Variants in OSBPL10 observed in about 807,000 individuals in gnomAD.
OSBPL10 encodes oxysterol binding protein like 10, also known as oxysterol-binding protein-related protein 10.
OSBPL10 carries 49 observed loss-of-function variants against 81.7 expected under a neutral mutation model. The observed-to-expected ratio is 0.60, with a 90% CI of 0.48 to 0.76. OSBPL10 has a LOEUF of 0.76. Ranked by LOEUF, OSBPL10 falls within the 30% of genes least tolerant of loss-of-function variation. OSBPL10 has a pLI of 0.00. For synonymous variants in OSBPL10, 419 were observed against 383.6 expected (o/e 1.09, Z -1.08); for missense variants, 923 against 987.8 (o/e 0.93, Z 0.88).
chr3:32,043,149 G>C (rs537915801), intron 2 of OSBPL10, among the ~76,000 whole-genome samples: 19 of 152,144 alleles, frequency 1.2e-4, no homozygotes, highest in Non-Finnish European at 2.2e-4. Context: ...CAGAGCAGCT[G>C]TTTATAGACC....
Position 32,051,743 on chromosome 3 carries a change from CA to C in OSBPL10, n.186-5141del, listed in dbSNP as rs1168847425. Among the ~76,000 whole-genome samples, 4 of 152,036 alleles carry C rather than the reference CA, an allele frequency of 2.6e-5. No individual in the cohort carries two copies. In the East Asian group the frequency reaches 7.7e-4, roughly 29 times the overall value. On this transcript the variant is annotated intron_variant and non_coding_transcript_variant, in intron 1 of 3. Transcript: ENST00000479173. ...TCCAACTAAGAAACTAAAAAACTGG[CA>C]AATGAAAAATCCTACAACTACTAGA...
chr3:31,749,919 G>A (rs1697659537), intron 4 of OSBPL10, among the ~76,000 whole-genome samples: 1 of 151,386 alleles, frequency 6.6e-6, no homozygotes, highest in African/African-American at 2.4e-5. Context: ...GGTGGCTCAC[G>A]CCTGTAATCC....
In OSBPL10 at chr3:31,929,172, TC is replaced by T. The variant is rs143893367; in HGVS notation, c.282-49343del. On this transcript the variant is annotated intron_variant, in intron 1 of 11. Transcript: ENST00000396556. ...ACATCTGATAATATTCAACATCCATTCTTAGAAGAAAAAAAAGATAGAGATG... is the reference window on the plus strand; with the variant it reads ...ACATCTGATAATATTCAACATCCATTTTAGAAGAAAAAAAAGATAGAGATG... Among the ~76,000 whole-genome samples, 2,483 of 152,240 alleles carry T rather than the reference TC, an allele frequency of 0.016. 230 individuals carry two copies. The East Asian group carries it at 0.25, about 16-fold the overall frequency.
chr3:32,008,056 T>C (rs1699220485), intron 2 of OSBPL10, among the ~76,000 whole-genome samples: 1 of 152,084 alleles, frequency 6.6e-6, no homozygotes, highest in East Asian at 1.9e-4. Context: ...TAGGGTAACA[T>C]GTACAGGTTC....
chr3:31,904,386 TG>T lies in OSBPL10; in HGVS notation c.282-24557del, dbSNP rs576594179. On this transcript the variant is annotated intron_variant, in intron 1 of 11. Transcript: ENST00000396556. ...GGCACCAAGAAGCCAAAATGATATC[TG>T]GGCAACCAGACCAGGCTGCCACAAA... 2.2e-4 allele frequency among the ~76,000 whole-genome samples: 34 copies of T among 152,282 alleles called. No homozygotes were observed. In the South Asian group the frequency reaches 6.6e-3, roughly 30 times the overall value.
intron 4 of OSBPL10, among the ~76,000 whole-genome samples, chr3:31,826,703 C>G (rs1700108488): frequency 1.3e-5 from 2 of 152,186 alleles, no homozygotes; most frequent in African/African-American, 2.4e-5. Flanking sequence ...ACAGTGGAAC[C>G]TTAAAGCAGT....
intron 1 of OSBPL10, among the ~76,000 whole-genome samples, chr3:31,902,124 C>T (rs1696259677): frequency 1.3e-5 from 2 of 152,180 alleles, no homozygotes; most frequent in Non-Finnish European, 2.9e-5. Flanking sequence ...GTGCCTGTTT[C>T]CGGTCTGTAA....
At chr3:31,896,269 A>G (rs1696054600) in intron 1 of OSBPL10, among the ~76,000 whole-genome samples, 1 of 152,224 alleles carries the variant, frequency 6.6e-6, no homozygotes, top group Non-Finnish European at 1.5e-5. Context: ...AAAAACAATA[A>G]TTACTCCTCA....
chr3:31,797,970 A>G (rs778585567), intron 4 of OSBPL10: 3 of 315,348 alleles, frequency 9.5e-6, no homozygotes, highest in Non-Finnish European at 1.9e-5. Flanking sequence ...TTATTTTTAT[A>G]TATATCGTTC....
intron 4 of OSBPL10, among the ~76,000 whole-genome samples, chr3:31,761,676 G>A (rs1401273591): frequency 1.3e-5 from 2 of 151,308 alleles, no homozygotes; most frequent in Admixed American, 6.6e-5. Context: ...AATTAGCTGG[G>A]CATGGTGGCA....
chr3:32,022,017 A>T (rs1393654894), intron 2 of OSBPL10, among the ~76,000 whole-genome samples: 2 of 151,906 alleles, frequency 1.3e-5, no homozygotes, highest in African/African-American at 4.8e-5. Flanking sequence ...TATATTCTAG[A>T]TATAAGTCGT....
intron 1 of OSBPL10, among the ~76,000 whole-genome samples, chr3:31,909,018 G>C (rs1696498457): frequency 6.6e-6 from 1 of 152,208 alleles, no homozygotes; most frequent in African/African-American, 2.4e-5. Flanking sequence ...TAGCTAAGAA[G>C]TGTCTTAGAA....
Position 31,683,703 on chromosome 3 carries a change from C to T in OSBPL10, c.1657G>A (p.Val553Ile), listed in dbSNP as rs141856244. 9.7e-5 allele frequency: 157 copies of T among 1,614,044 alleles called. No homozygotes were observed. The highest frequency in any genetic ancestry group is 1.2e-4 in the Non-Finnish European group (137 of 1,180,038). Residue 553 changes from valine to isoleucine, a missense_variant, in exon 8 of 12, where the codon GTC (valine) becomes ATC (isoleucine). By Grantham distance (29) the Val-to-Ile change is conservative. Coordinates refer to ENST00000396556, the MANE Select transcript of OSBPL10 (RefSeq NM_017784.5). Reference sequence around the variant, plus strand: ...CTTTTGGTCCATACATGAGTGTTGACGCACAGTCTCTTCTCCTCGCACTCA... The same window carrying T: ...CTTTTGGTCCATACATGAGTGTTGATGCACAGTCTCTTCTCCTCGCACTCA... ...YCECEEKRLC[V>I]NTHVWTKSKF...
intron 7 of OSBPL10, among the ~76,000 whole-genome samples, chr3:31,687,719 T>C (rs188208138): frequency 1.1e-3 from 170 of 152,064 alleles, no homozygotes; most frequent in African/African-American, 3.5e-3. Flanking sequence ...ACATCTTCTC[T>C]CAGTGGACAA....
chr3:31,891,804 T>C (rs1485224555), intron 1 of OSBPL10, among the ~76,000 whole-genome samples: 1 of 152,182 alleles, frequency 6.6e-6, no homozygotes, highest in African/African-American at 2.4e-5. Flanking sequence ...ATTCAGGTAA[T>C]GGTTAAAGAG....
At chr3:32,023,662 T>G (rs1699377007) in intron 2 of OSBPL10, among the ~76,000 whole-genome samples, 1 of 152,182 alleles carries the variant, frequency 6.6e-6, no homozygotes, top group African/African-American at 2.4e-5. Context: ...GAACCGCTGG[T>G]GAAAATTAAT....
chr3:31,663,924 T>C, intron 11 of OSBPL10, 155 bp downstream of exon 11: 2 of 1,549,856 alleles, frequency 1.3e-6, no homozygotes, highest in Non-Finnish European at 8.7e-7. Context: ...CCTGAAGCCT[T>C]GTCCAAAGCT....
chr3:31,666,311 G>A (rs2125502333), intron 10 of OSBPL10, among the ~76,000 whole-genome samples: 1 of 152,306 alleles, frequency 6.6e-6, no homozygotes, highest in South Asian at 2.1e-4. Context: ...GAAGACCGAA[G>A]ACCACAGAAT....
At chr3:31,829,066 C>T (rs1397128640) in intron 4 of OSBPL10, among the ~76,000 whole-genome samples, 1 of 152,146 alleles carries the variant, frequency 6.6e-6, no homozygotes, top group African/African-American at 2.4e-5. Flanking sequence ...GCTAACAGAG[C>T]ACTACCTGGC....
Sources: allele counts gnomAD v4.1 joint callset (sites outside exome capture counted in the v4.1 genomes callset), GRCh38; gene constraint gnomAD v4.1.1; transcripts MANE v1.5; gene names NCBI Gene and HGNC (gene_info 2026-07-23, HGNC 2026-07-21).